Variants in LINGO2 observed in about 807,000 individuals in gnomAD.
LINGO2 encodes leucine rich repeat and Ig domain containing 2, also known as leucine-rich repeat and immunoglobulin-like domain-containing nogo receptor-interacting protein 2.
A neutral mutation model predicts 30.6 loss-of-function variants in LINGO2; 14 were observed. That is an observed-to-expected ratio of 0.46 (90% confidence interval 0.30 to 0.72). LINGO2 has a LOEUF of 0.72. Among genes scored for constraint, LINGO2 ranks in the 30% least tolerant of loss-of-function variants. The pLI is 0.07. For missense variants in LINGO2, 729 were observed against 751.7 expected (o/e 0.97, Z 0.35); for synonymous variants, 317 against 288.5 (o/e 1.10, Z -1.00).
At chr9:29,106,885 G>A in the LINGO2 span, among the ~76,000 whole-genome samples, 1 of 152,158 alleles carries the variant, frequency 6.6e-6, no homozygotes. Flanking sequence ...ATTCAGATCT[G>A]TTGGCTCTAA....
intron 4 of LINGO2, among the ~76,000 whole-genome samples, chr9:28,062,343 C>T (rs1825170370): frequency 6.6e-6 from 1 of 151,292 alleles, no homozygotes. Context: ...ATACATCCAT[C>T]AATGTCTATC....
chr9:28,798,063 T>C, the LINGO2 span, among the ~76,000 whole-genome samples: 1 of 152,156 alleles, frequency 6.6e-6, no homozygotes, highest in African/African-American at 2.4e-5. Context: ...AAAGCAGTTT[T>C]GGTTGAGCGT....
chr9:29,208,012 T>A, the LINGO2 span, among the ~76,000 whole-genome samples: 2 of 152,084 alleles, frequency 1.3e-5, no homozygotes, highest in East Asian at 3.9e-4. Flanking sequence ...GCCAATAAAA[T>A]AAAATAGGAC....
rs1304889468 is a variant in LINGO2 at position 28,300,112 on chromosome 9, TCA to T, written c.-245-4748_-245-4747del. On this transcript the variant is annotated intron_variant, in intron 3 of 5. Coordinates refer to ENST00000379992, the Ensembl canonical transcript of LINGO2. The stretch of plus-strand genomic sequence containing the variant: ...AAGCAACAGATGACCTTTCTCTCTC[TCA>T]TTTTTCTAATGGAAAAAAAAAAAAA... Among the ~76,000 whole-genome samples, 23 of 127,562 alleles carry T rather than the reference TCA, an allele frequency of 1.8e-4. No homozygotes were observed. In the Admixed American group the frequency reaches 2.0e-3, roughly 11 times the overall value. 83.7% of individuals were successfully genotyped at this position (127,562 alleles called of 152,430 possible). A position where few individuals can be genotyped will look rare whatever the true frequency, so the allele number is the denominator to read the frequency against.
chr9:28,208,840 G>A (rs1275999213), intron 4 of LINGO2, among the ~76,000 whole-genome samples: 3 of 151,938 alleles, frequency 2.0e-5, no homozygotes, highest in African/African-American at 7.2e-5. Flanking sequence ...TCTTCTGCAG[G>A]CATTTAGGCT....
intron 1 of LINGO2, among the ~76,000 whole-genome samples, chr9:28,533,929 A>T (rs1008676302): frequency 6.6e-6 from 1 of 152,172 alleles, no homozygotes; most frequent in African/African-American, 2.4e-5. Flanking sequence ...CTAGGTTACA[A>T]ATTAAATTAT....
chr9:29,043,129 G>A, the LINGO2 span, among the ~76,000 whole-genome samples: 3 of 151,836 alleles, frequency 2.0e-5, no homozygotes, highest in Non-Finnish European at 4.4e-5. Context: ...ACTGAACAGA[G>A]ACAGTATAAG....
At position 28,329,915 on chromosome 9, in the gene LINGO2, T is replaced by A. The variant is rs1825360991; in HGVS notation, c.-245-34549A>T. ...TGTATTTAGCTCTTCCAATAGACAC[T>A]TTCTTTTAATTTTTATGTATTTATT... On this transcript the variant is annotated intron_variant, in intron 3 of 5. Coordinates refer to ENST00000379992, the Ensembl canonical transcript of LINGO2. The surrounding 1 kb of genome is among the most constrained non-coding windows in gnomAD (Gnocchi z 4.5). Among the ~76,000 whole-genome samples the A allele has an allele frequency of 6.6e-6, 1 of 152,182 alleles. No homozygotes were observed. Among genetic ancestry groups the A allele is most frequent in the South Asian group, 2.1e-4 (1 of 4,836 alleles).
At chr9:29,014,840 G>A in the LINGO2 span, among the ~76,000 whole-genome samples, 1 of 152,096 alleles carries the variant, frequency 6.6e-6, no homozygotes, top group Non-Finnish European at 1.5e-5. Context: ...TTATGACCCT[G>A]TGATTAAATT....
the LINGO2 span, among the ~76,000 whole-genome samples, chr9:28,836,611 T>A: frequency 6.6e-6 from 1 of 152,120 alleles, no homozygotes; most frequent in Admixed American, 6.5e-5. Flanking sequence ...CCACCACGCC[T>A]GGCCCTAACA....
the LINGO2 span, among the ~76,000 whole-genome samples, chr9:29,174,983 G>T: frequency 6.6e-6 from 1 of 152,164 alleles, no homozygotes; most frequent in East Asian, 1.9e-4. Context: ...ATGGTGGGCT[G>T]GGTGCAGTGG....
the LINGO2 span, among the ~76,000 whole-genome samples, chr9:28,744,877 C>T: frequency 6.6e-6 from 1 of 151,756 alleles, no homozygotes; most frequent in African/African-American, 2.4e-5. Context: ...CCTCGTGATC[C>T]ACTCACCAAG....
intron 5 of LINGO2, among the ~76,000 whole-genome samples, chr9:27,992,387 T>A (rs1299027581): frequency 6.6e-6 from 1 of 152,128 alleles, no homozygotes; most frequent in Non-Finnish European, 1.5e-5. Flanking sequence ...TGCACTTACA[T>A]AAAATTATTC....
chr9:29,140,498 A>G, the LINGO2 span, among the ~76,000 whole-genome samples: 1 of 151,898 alleles, frequency 6.6e-6, no homozygotes, highest in African/African-American at 2.4e-5. Flanking sequence ...AAGGAGCAAA[A>G]AGAAATAAAA....
At chr9:28,044,134 C>A (rs1212292886) in intron 4 of LINGO2, among the ~76,000 whole-genome samples, 1 of 152,092 alleles carries the variant, frequency 6.6e-6, no homozygotes, top group African/African-American at 2.4e-5. Context: ...TGTGTGTTTG[C>A]TTAAATCTTG....
chr9:28,483,193 T>A (rs1009832833), intron 1 of LINGO2, among the ~76,000 whole-genome samples: 1 of 152,122 alleles, frequency 6.6e-6, no homozygotes, highest in Non-Finnish European at 1.5e-5. Context: ...CTTAACTCTA[T>A]TATCATCATT....
the LINGO2 span, among the ~76,000 whole-genome samples, chr9:28,906,586 C>G: frequency 6.6e-6 from 1 of 151,782 alleles, no homozygotes; most frequent in Non-Finnish European, 1.5e-5. Context: ...ATGCCAAATG[C>G]AGAAAGGGTG....
At chr9:28,213,618 T>C (rs1820668524) in intron 4 of LINGO2, among the ~76,000 whole-genome samples, 1 of 151,462 alleles carries the variant, frequency 6.6e-6, no homozygotes, top group Non-Finnish European at 1.5e-5. Context: ...TTATCTTCCC[T>C]TTCTTCTTCT....
the LINGO2 span, among the ~76,000 whole-genome samples, chr9:29,147,441 TCTC>T: frequency 6.6e-6 from 1 of 152,132 alleles, no homozygotes; most frequent in African/African-American, 2.4e-5. Context: ...GGAAAAGCAT[TCTC>T]CTTTTGTTTC....
Sources: allele counts gnomAD v4.1 joint callset (sites outside exome capture counted in the v4.1 genomes callset), GRCh38; gene constraint gnomAD v4.1.1; non-coding constraint Gnocchi (gnomAD v3.1); transcripts MANE v1.5; gene names NCBI Gene and HGNC (gene_info 2026-07-23, HGNC 2026-07-21).